The following KIRREL2 variants were observed in gnomAD, a reference collection of about 807,000 sequenced individuals.
KIRREL2 encodes kirre like nephrin family adhesion molecule 2, also known as kin of IRRE-like protein 2.
A neutral mutation model predicts 73.4 loss-of-function variants in KIRREL2; 56 were observed. The observed-to-expected ratio is 0.76, with a 90% CI of 0.62 to 0.95. KIRREL2 has a LOEUF of 0.95. KIRREL2 is among the 40% of genes least tolerant of loss of function. KIRREL2 has a pLI of 0.00. For missense variants in KIRREL2, 896 were observed against 935.0 expected, an observed-to-expected ratio of 0.96 and a Z score of 0.54; for synonymous variants, 407 against 404.0, an observed-to-expected ratio of 1.01 and a Z score of -0.09.
Position 35,859,626 on chromosome 19 carries a change from T to G in KIRREL2, c.668T>G (p.Leu223Arg), listed in dbSNP as rs768142916. 1 of 1,613,736 alleles carries G rather than the reference T, an allele frequency of 6.2e-7. No individual in the cohort carries two copies. The highest frequency in any genetic ancestry group is 1.7e-5 in the Admixed American group (1 of 60,010). Residue 223 changes from leucine (L) to arginine (R), a missense_variant, in exon 5 of 15, where the codon CTG (leucine) becomes CGG (arginine). Transcript: ENST00000360202. The stretch of plus-strand genomic sequence containing the variant: ...AGAGACACAGCTATCACACTGAGCC[T>G]GCAGTGTGAGTGCAGCTGGCCCTGG... ...TGRDTAITLS[L>R]QYPPEVTLSA...
In KIRREL2 at chr19:35,861,598, G is replaced by T. The variant is rs199689872; in HGVS notation, c.1247G>T (p.Arg416Leu). Residue 416 changes from arginine (R) to leucine (L), a missense_variant, in exon 10 of 15, where the codon CGC (arginine) becomes CTC (leucine). Physicochemically the swap from Arg to Leu is moderately radical, Grantham distance 102 (BLOSUM62 -2). Coordinates refer to ENST00000360202, the MANE Select transcript of KIRREL2 (RefSeq NM_199180.4). ...CCTGCCTTCCTGAGGGGCCCTGCTC[G>T]CCTCCAGTGTCTGGTTTTCGCCTCT... ...SAPAFLRGPA[R>L]LQCLVFASPA... The T allele has an allele frequency of 6.2e-7, 1 of 1,613,514 alleles. No individual in the cohort carries two copies. The highest frequency in any genetic ancestry group is 8.5e-7 in the Non-Finnish European group (1 of 1,179,818).
chr19:35,862,026 T>C lies in KIRREL2; in HGVS notation c.1510+2T>C, dbSNP rs1180807501. 1.9e-6 allele frequency: 3 copies of C among 1,604,072 alleles called. No homozygotes were observed. Among genetic ancestry groups the C allele is most frequent in the Admixed American group, 1.7e-5 (1 of 58,190 alleles). On this transcript the variant is annotated splice_donor_variant, in intron 11 of 14. Coordinates refer to ENST00000360202, the MANE Select transcript of KIRREL2 (RefSeq NM_199180.4). LOFTEE classifies it high-confidence loss of function. Reference sequence around the variant, plus strand: ...CCCAGGCCAGCCTGGGCCGTAGAGGTGAGACCCCAGCCCGAAGACCCCAAA... The same window carrying C: ...CCCAGGCCAGCCTGGGCCGTAGAGGCGAGACCCCAGCCCGAAGACCCCAAA...
upstream of KIRREL2, chr19:35,851,430 T>C (rs1446949521): frequency 6.2e-7 from 1 of 1,612,874 alleles, no homozygotes. Flanking sequence ...CGCTGGTGGC[T>C]GAGGGTCTCA....
Position 35,858,568 on chromosome 19 carries a change from C to T in KIRREL2, c.361+11C>T, listed in dbSNP as rs368588933. On this transcript the variant is annotated intron_variant, in intron 3 of 14. Transcript: ENST00000360202. ...AACTGCACGTGCTGGGTAAGGACCT[C>T]GCCCACTTGTCCCCTGGGAGCCCAA... 1.8e-4 allele frequency: 297 copies of T among 1,613,672 alleles called. No individual in the cohort carries two copies. Among genetic ancestry groups the T allele is most frequent in the South Asian group, 1.6e-3 (147 of 91,064 alleles).
At position 35,866,790 on chromosome 19, in the gene KIRREL2, T is replaced by C. The variant is rs1360420587; in HGVS notation, c.*298T>C. On this transcript the variant is annotated 3_prime_UTR_variant, in exon 15 of 15. Transcript: ENST00000360202. Reference sequence around the variant, plus strand: ...GGGACAGGGCAGTGGGTGTTGGGAGTTTGGGGCCGGGATGGAAGTTGTTTC... The same window carrying C: ...GGGACAGGGCAGTGGGTGTTGGGAGCTTGGGGCCGGGATGGAAGTTGTTTC... The C allele has an allele frequency of 1.9e-5, 10 of 513,078 alleles. No individual in the cohort carries two copies. Among genetic ancestry groups the C allele is most frequent in the African/African-American group, 1.4e-4 (7 of 49,916 alleles). The allele number at this position is 513,078 out of a possible 1,614,324, so 31.8% of individuals were successfully genotyped here.
rs1159491256 is a variant in KIRREL2 at position 35,857,096 on chromosome 19, A to G, written c.-24A>G. The G allele has an allele frequency of 6.2e-7, 1 of 1,613,760 alleles. No homozygotes were observed. On this transcript the variant is annotated 5_prime_UTR_variant, in exon 1 of 15. Coordinates refer to ENST00000360202, the MANE Select transcript of KIRREL2 (RefSeq NM_199180.4). Reference sequence around the variant, plus strand: ...TGACGGGAAGGCCAGTGCGACGGCAAATCTCGTGAACCTTGGGGGACGAAT... The same window carrying G: ...TGACGGGAAGGCCAGTGCGACGGCAGATCTCGTGAACCTTGGGGGACGAAT...
chr19:35,860,661 G>C lies in KIRREL2; in HGVS notation c.922G>C (p.Val308Leu). 6.2e-7 allele frequency: 1 copy of C among 1,602,826 alleles called. No individual in the cohort carries two copies. The highest frequency in any genetic ancestry group is 1.7e-5 in the Admixed American group (1 of 60,006). Residue 308 changes from valine (V) to leucine (L), a missense_variant, in exon 7 of 15, where the codon GTG (valine) becomes CTG (leucine). By Grantham distance (32) the Val-to-Leu change is conservative (BLOSUM62 1). Coordinates refer to ENST00000360202, the MANE Select transcript of KIRREL2 (RefSeq NM_199180.4). ...GSANRSTALD[V>L]LFGPILQAKP... ...CGCCAACCGCAGTACTGCGCTGGAT[G>C]TGCTGTGTGAGCTGGGGCCGGCCTG...
chr19:35,858,806 C>G lies in KIRREL2; in HGVS notation c.464C>G (p.Thr155Ser). The change falls in exon 4 of 15, where the codon ACC becomes AGC. Residue 155 changes from threonine (T) to serine (S), a missense_variant. Physicochemically the swap from Thr to Ser is moderately conservative, Grantham distance 58. Coordinates refer to ENST00000360202, the MANE Select transcript of KIRREL2 (RefSeq NM_199180.4). Reference sequence around the variant, plus strand: ...CGGAGCCGTGGGGATGCCCGCCCTACCCCTGAATTGCTGTGGTTCCGAGAT... The same window carrying G: ...CGGAGCCGTGGGGATGCCCGCCCTAGCCCTGAATTGCTGTGGTTCCGAGAT... ...TCRSRGDARP[T>S]PELLWFRDGV... 1 of 1,614,160 alleles carries G rather than the reference C, an allele frequency of 6.2e-7. No individual in the cohort carries two copies. The highest frequency in any genetic ancestry group is 8.5e-7 in the Non-Finnish European group (1 of 1,180,032).
At chr19:35,852,837 A>G (rs952970787), upstream of KIRREL2, among the ~76,000 whole-genome samples, 1 of 151,988 alleles carries the variant, frequency 6.6e-6, no homozygotes, top group Non-Finnish European at 1.5e-5. Flanking sequence ...GCTGGAGTGC[A>G]GTGGCATCTC....
upstream of KIRREL2, among the ~76,000 whole-genome samples, chr19:35,855,682 C>CACACACACACACACACACACACACAT (rs1325092178): frequency 6.8e-6 from 1 of 147,502 alleles, no homozygotes; most frequent in Non-Finnish European, 1.5e-5. Context: ...CACACACACA[C>CACACACACACACACACACACACACAT]ACACACACAC....
chr19:35,855,038 C>T (rs1010281988), upstream of KIRREL2, among the ~76,000 whole-genome samples: 3 of 152,160 alleles, frequency 2.0e-5, no homozygotes, highest in South Asian at 2.1e-4. Flanking sequence ...CTCCCCAAGA[C>T]CCCCGCCAAT....
At chr19:35,861,431 G>C (rs1443380628) in intron 9 of KIRREL2, 110 bp from the exon 10 acceptor site, 3 of 1,451,236 alleles carry the variant, frequency 2.1e-6, no homozygotes, top group South Asian at 2.4e-5. Context: ...GAGGCGGCGT[G>C]GCCTGATTGA....
Position 35,866,149 on chromosome 19 carries a change from C to G in KIRREL2, c.1792-8C>G. On this transcript the variant is annotated splice_polypyrimidine_tract_variant and splice_region_variant and intron_variant, in intron 14 of 14. Coordinates refer to ENST00000360202, the MANE Select transcript of KIRREL2 (RefSeq NM_199180.4). ...ACAGACTTTACTGAGTCCCATTTGT[C>G]CCCTCAGGACCCAACCAACGGTTAC... 1.9e-6 allele frequency: 3 copies of G among 1,593,986 alleles called. No individual in the cohort carries two copies. The highest frequency in any genetic ancestry group is 1.7e-6 in the Non-Finnish European group (2 of 1,175,182).
At chr19:35,857,832 T>C (rs772970944) in intron 2 of KIRREL2, among the ~76,000 whole-genome samples, 4 of 151,838 alleles carry the variant, frequency 2.6e-5, no homozygotes, top group Admixed American at 1.3e-4. Context: ...CAAATGTATA[T>C]ATATATTTTA....
chr19:35,864,595 T>C (rs1432165776), intron 13 of KIRREL2, 53 bp from the exon 14 acceptor site: 23 of 1,483,176 alleles, frequency 1.6e-5, no homozygotes, highest in Non-Finnish European at 2.1e-5. Context: ...GGGTCTGGCA[T>C]TGGGGCGGGG....
At position 35,857,118 on chromosome 19, in the gene KIRREL2, G is replaced by C; in HGVS notation, c.-2G>C. ...GCAAATCTCGTGAACCTTGGGGGAC[G>C]AATGCTCAGGATGCGGGTCCCCGCC... On this transcript the variant is annotated 5_prime_UTR_variant, in exon 1 of 15. Coordinates refer to ENST00000360202, the MANE Select transcript of KIRREL2 (RefSeq NM_199180.4). The C allele has an allele frequency of 6.2e-7, 1 of 1,612,942 alleles. No homozygotes were observed. Among genetic ancestry groups the C allele is most frequent in the Non-Finnish European group, 8.5e-7 (1 of 1,179,528 alleles).
At position 35,866,552 on chromosome 19, in the gene KIRREL2, T is replaced by G. The variant is rs1245234846; in HGVS notation, c.*60T>G. ...CTTGCCATAATGGATTGTTCTGATT[T>G]CTGAGGAGCCAGGACAAGTTGGCGA... On this transcript the variant is annotated 3_prime_UTR_variant, in exon 15 of 15. Transcript: ENST00000360202. The G allele has an allele frequency of 3.1e-6, 5 of 1,609,092 alleles. No individual in the cohort carries two copies. Among genetic ancestry groups the G allele is most frequent in the Non-Finnish European group, 4.2e-6 (5 of 1,178,554 alleles).
At chr19:35,865,075 C>T (rs1973908888) in intron 14 of KIRREL2, among the ~76,000 whole-genome samples, 1 of 152,074 alleles carries the variant, frequency 6.6e-6, no homozygotes, top group South Asian at 2.1e-4. Context: ...TGGGGTCCTA[C>T]CTCAGGACAG....
Position 35,858,831 on chromosome 19 carries a change from TG to T in KIRREL2, c.493del (p.Val165SerfsTer13), listed in dbSNP as rs1474893968. On this transcript the variant is annotated frameshift_variant, in exon 4 of 15. Transcript: ENST00000360202. LOFTEE classifies it high-confidence loss of function. The stretch of plus-strand genomic sequence containing the variant: ...CCCCTGAATTGCTGTGGTTCCGAGA[TG>T]GGGTCCTGTTGGATGGAGCCACCTT... ...PTPELLWFRD[G>X]VLLDGATFHQ... 6.2e-7 allele frequency: 1 copy of T among 1,614,152 alleles called. No homozygotes were observed. Among genetic ancestry groups the T allele is most frequent in the Non-Finnish European group, 8.5e-7 (1 of 1,180,030 alleles).
Sources: allele counts gnomAD v4.1 joint callset (sites outside exome capture counted in the v4.1 genomes callset), GRCh38; gene constraint gnomAD v4.1.1; transcripts MANE v1.5; gene names NCBI Gene and HGNC (gene_info 2026-07-23, HGNC 2026-07-21).